Variants in BACH2 observed in about 807,000 individuals in gnomAD.
The protein encoded by BACH2 is transcription regulator protein BACH2.
In BACH2, 5 loss-of-function variants were observed where a neutral mutation model predicts 61.8. The observed-to-expected ratio is 0.08, with a 90% CI of 0.04 to 0.17. BACH2 has a LOEUF of 0.17. Ranked by LOEUF, BACH2 falls within the 10% of genes least tolerant of loss-of-function variation. The pLI, the probability that BACH2 is intolerant of heterozygous loss-of-function variation, is 1.00. For synonymous variants in BACH2, 446 were observed against 440.1 expected, an observed-to-expected ratio of 1.01 and a Z score of -0.17; for missense variants, 824 against 1,091.1, an observed-to-expected ratio of 0.76 and a Z score of 3.45.
intron 6 of BACH2, among the ~76,000 whole-genome samples, chr6:89,964,070 T>G (rs141209446): frequency 0.093 from 13,797 of 148,922 alleles, 726 homozygotes; most frequent in South Asian, 0.14. Flanking sequence ...GTGGGAGGAG[T>G]GGGGAGGGAT....
At chr6:89,984,329 G>A (rs556915920) in intron 6 of BACH2, among the ~76,000 whole-genome samples, 2 of 152,126 alleles carry the variant, frequency 1.3e-5, no homozygotes, top group Admixed American at 6.5e-5. Flanking sequence ...ACAGAGAAAC[G>A]AGAGGATTAT....
At position 89,951,243 on chromosome 6, in the gene BACH2, C is replaced by T. The variant is rs150212476; in HGVS notation, c.863G>A (p.Ser288Asn). The T allele has an allele frequency of 6.2e-7, 1 of 1,614,146 alleles. No homozygotes were observed. Among genetic ancestry groups the T allele is most frequent in the Non-Finnish European group, 8.5e-7 (1 of 1,180,036 alleles). Residue 288 changes from serine (S) to asparagine (N), a missense_variant, in exon 7 of 9, where the codon AGC (serine) becomes AAC (asparagine). Ser to Asn is a conservative substitution (Grantham distance 46). Around this residue, in one of 8 missense-constraint regions of BACH2, gnomAD observed 226 missense variants for 228.5 expected, o/e 0.99. Transcript: ENST00000257749. The surrounding 1 kb of genome is among the most constrained non-coding windows in gnomAD (Gnocchi z 6.4). ...EPPSEENEEE[S>N]ITLCLSGDEP... is the part of the protein sequence containing the mutation. ...ATCTCCAGACAGGCAGAGCGTGATG[C>T]TCTCTTCCTCATTCTCTTCACTGGG... is the stretch of plus-strand genomic sequence containing the variant.
At chr6:89,959,097 G>GCGCGCACA (rs1554220437) in intron 6 of BACH2, among the ~76,000 whole-genome samples, 1 of 134,404 alleles carries the variant, frequency 7.4e-6, no homozygotes, top group Non-Finnish European at 1.6e-5. Context: ...ATGCACAAGT[G>GCGCGCACA]CACACACACA....
chr6:90,035,707 A>C (rs1478960212), intron 5 of BACH2, among the ~76,000 whole-genome samples: 3 of 152,078 alleles, frequency 2.0e-5, no homozygotes, highest in Admixed American at 2.0e-4. Context: ...ATGATAAAGG[A>C]AGACAGGGTG....
rs550049307 is a variant in BACH2, at chr6:90,288,962, G to A, written c.-446+7518C>T. On this transcript the variant is annotated intron_variant, in intron 1 of 8. Coordinates refer to ENST00000257749, the MANE Select transcript of BACH2 (RefSeq NM_021813.4). ...CTGGAGACAGAGCCATGGTATTTCAGTTATATGCCTAGTACTTCTTTTGCC... is the reference window on the plus strand; with the variant it reads ...CTGGAGACAGAGCCATGGTATTTCAATTATATGCCTAGTACTTCTTTTGCC... 1.7e-3 allele frequency among the ~76,000 whole-genome samples: 263 copies of A among 152,308 alleles called. 2 individuals carry two copies. The highest frequency in any genetic ancestry group is 5.8e-3 in the African/African-American group (243 of 41,558).
At chr6:90,247,392 T>C (rs562074231) in intron 3 of BACH2, among the ~76,000 whole-genome samples, 21 of 150,126 alleles carry the variant, frequency 1.4e-4, no homozygotes, top group African/African-American at 2.5e-4. Flanking sequence ...TGCACCACCA[T>C]GTACAGTTAT....
intron 3 of BACH2, among the ~76,000 whole-genome samples, chr6:90,233,531 A>G (rs993160891): frequency 2.0e-5 from 3 of 152,212 alleles, no homozygotes; most frequent in Non-Finnish European, 4.4e-5. Context: ...GACCCTGGAC[A>G]AGGTATCAAA....
intron 2 of BACH2, among the ~76,000 whole-genome samples, chr6:90,263,167 C>T (rs149107181): frequency 1.3e-5 from 2 of 152,072 alleles, no homozygotes; most frequent in Non-Finnish European, 2.9e-5. Context: ...CAGTGGGAAG[C>T]CAGTTATCAC....
chr6:89,944,386 A>AT (rs1773610880), intron 7 of BACH2, among the ~76,000 whole-genome samples: 1 of 152,282 alleles, frequency 6.6e-6, no homozygotes, highest in African/African-American at 2.4e-5. Context: ...TCTTACAGAC[A>AT]TGTGCTTTGG....
intron 4 of BACH2, among the ~76,000 whole-genome samples, chr6:90,179,440 TTTTC>T (rs1217412733): frequency 1.9e-4 from 29 of 152,236 alleles, no homozygotes; most frequent in African/African-American, 7.0e-4. Context: ...GTACCTTTCT[TTTTC>T]TTAACTTGAT....
At chr6:90,107,244 C>A in intron 4 of BACH2, among the ~76,000 whole-genome samples, 1 of 151,910 alleles carries the variant, frequency 6.6e-6, no homozygotes, top group South Asian at 2.1e-4. Context: ...TGGTGGCGTG[C>A]GCCTGTAGTC....
Position 89,950,346 on chromosome 6 carries a change from G to A in BACH2, c.1760C>T (p.Thr587Ile). Residue 587 changes from threonine to isoleucine, a missense_variant, in exon 7 of 9, where the codon ACC becomes ATC. Physicochemically the swap from Thr to Ile is moderately conservative, Grantham distance 89. Transcript: ENST00000257749. This position sits in a 1 kb window ranked among gnomAD's most constrained non-coding sequence, Gnocchi z 5.3. ...PQIKCEQSYG[T>I]NSSDESGSFS... ...CGATCCGGATTCGTCACTGGAGTTG[G>A]TTCCATAAGACTGCTCACATTTAAT... is the stretch of plus-strand genomic sequence containing the variant. 6.2e-7 allele frequency: 1 copy of A among 1,614,144 alleles called. No individual in the cohort carries two copies. The highest frequency in any genetic ancestry group is 8.5e-7 in the Non-Finnish European group (1 of 1,180,022).
chr6:90,283,788 A>C (rs1771933874), intron 1 of BACH2, among the ~76,000 whole-genome samples: 1 of 151,952 alleles, frequency 6.6e-6, no homozygotes, highest in African/African-American at 2.4e-5. Context: ...CAGGCAGATC[A>C]CTTGAGGTCA....
intron 6 of BACH2, among the ~76,000 whole-genome samples, chr6:89,979,402 C>G (rs1775832935): frequency 6.6e-6 from 1 of 152,022 alleles, no homozygotes; most frequent in African/African-American, 2.4e-5. Flanking sequence ...GCACAAAGAA[C>G]TAACTGTCCA....
intron 2 of BACH2, among the ~76,000 whole-genome samples, chr6:90,254,302 T>C (rs1457386775): frequency 6.6e-6 from 1 of 151,998 alleles, no homozygotes; most frequent in East Asian, 1.9e-4. Context: ...AAAATGAGTA[T>C]GTGAATCTTC....
At chr6:90,183,873 G>A (rs1483970771) in intron 4 of BACH2, among the ~76,000 whole-genome samples, 1 of 152,146 alleles carries the variant, frequency 6.6e-6, no homozygotes, top group Non-Finnish European at 1.5e-5. Flanking sequence ...ATCTCCCACT[G>A]GAATTTCAAA....
chr6:90,160,308 G>A (rs533583616), intron 4 of BACH2, among the ~76,000 whole-genome samples: 1 of 152,306 alleles, frequency 6.6e-6, no homozygotes, highest in East Asian at 1.9e-4. Flanking sequence ...AGTAAGCAAG[G>A]CGGGGATGAG....
chr6:90,124,954 C>CTTT (rs1339324906), intron 4 of BACH2, among the ~76,000 whole-genome samples: 1 of 152,160 alleles, frequency 6.6e-6, no homozygotes, highest in Non-Finnish European at 1.5e-5. Flanking sequence ...CTATCTGATA[C>CTTT]TTAAAAATGA....
At chr6:90,181,745 T>A (rs2127841336) in intron 4 of BACH2, among the ~76,000 whole-genome samples, 1 of 152,208 alleles carries the variant, frequency 6.6e-6, no homozygotes, top group South Asian at 2.1e-4. Context: ...CATGCCTGGC[T>A]ACTGATTGAT....
Sources: allele counts gnomAD v4.1 joint callset (sites outside exome capture counted in the v4.1 genomes callset), GRCh38; gene constraint gnomAD v4.1.1; regional missense constraint gnomAD v4.1.1; non-coding constraint Gnocchi (gnomAD v3.1); transcripts MANE v1.5; gene names NCBI Gene and HGNC (gene_info 2026-07-23, HGNC 2026-07-21).